The following ABR variants were observed in gnomAD, a reference collection of about 807,000 sequenced individuals.
ABR encodes ABR activator of RhoGEF and GTPase.
Under a neutral mutation model 107.2 loss-of-function variants are expected in ABR, and 35 were observed. The ratio of observed to expected loss-of-function variants is 0.33; its 90% CI spans 0.25 to 0.43. The LOEUF (loss-of-function observed/expected upper bound fraction) is 0.43. Among genes scored for constraint, ABR ranks in the 20% least tolerant of loss-of-function variants. The pLI, the probability that ABR is intolerant of heterozygous loss-of-function variation, is 1.00. For missense variants in ABR, 815 were observed against 1,115.2 expected (o/e 0.73, Z 3.83); for synonymous variants, 498 against 462.0 (o/e 1.08, Z -1.00).
chr17:1,050,756 C>A lies in ABR; in HGVS notation c.1562-122G>T. ...TTTCCAACGTCCCCACGGATGGCAT[C>A]TTGGCTCTCTCCTCCCTGAAGCCCG... On this transcript the variant is annotated intron_variant, in intron 14 of 22. Transcript: ENST00000302538. The surrounding 1 kb of genome is among the most constrained non-coding windows in gnomAD (Gnocchi z 4.6). 1 of 778,340 alleles carries A rather than the reference C, an allele frequency of 1.3e-6. No homozygotes were observed. The highest frequency in any genetic ancestry group is 2.2e-6 in the Non-Finnish European group (1 of 456,338). 48.2% of individuals were successfully genotyped at this position (778,340 alleles called of 1,614,324 possible). A position where few individuals can be genotyped will look rare whatever the true frequency, so the allele number is the denominator to read the frequency against.
chr17:1,140,460 A>G (rs547179301), intron 1 of ABR, among the ~76,000 whole-genome samples: 58 of 152,334 alleles, frequency 3.8e-4, no homozygotes, highest in African/African-American at 1.3e-3. Context: ...GCCACTTCCC[A>G]GGTGCCACCT....
intron 1 of ABR, among the ~76,000 whole-genome samples, chr17:1,215,394 A>G (rs1191086048): frequency 1.3e-5 from 2 of 152,174 alleles, no homozygotes; most frequent in Non-Finnish European, 2.9e-5. Context: ...GCGCGCTGCC[A>G]TGCCTGACTG....
chr17:1,221,335 C>T (rs1356886710), intron 1 of ABR, among the ~76,000 whole-genome samples: 1 of 152,210 alleles, frequency 6.6e-6, no homozygotes, highest in Non-Finnish European at 1.5e-5. Context: ...CTCACTCTTA[C>T]GCTCCTCTTC....
At chr17:1,013,325 G>T (rs1395859399) in intron 16 of ABR, 161 bp from the exon 17 acceptor site, 3 of 748,064 alleles carry the variant, frequency 4.0e-6, no homozygotes, top group Non-Finnish European at 4.4e-6. Context: ...CCTTTGGGGG[G>T]ACCCTAGCCC....
intron 1 of ABR, among the ~76,000 whole-genome samples, chr17:1,135,364 T>C (rs1027199315): frequency 1.8e-5 from 2 of 112,530 alleles, no homozygotes; most frequent in Non-Finnish European, 4.1e-5. Context: ...TTTTTTATTC[T>C]TTTTCTTTTT....
intron 1 of ABR, among the ~76,000 whole-genome samples, chr17:1,219,305 A>G (rs2043071704): frequency 6.6e-6 from 1 of 151,810 alleles, no homozygotes; most frequent in Non-Finnish European, 1.5e-5. Context: ...TGGCCTCCCA[A>G]AGTGCTGGGA....
intron 6 of ABR, among the ~76,000 whole-genome samples, chr17:1,074,050 A>T (rs11655077): frequency 8.2e-3 from 670 of 82,194 alleles, no homozygotes; most frequent in Middle Eastern, 0.02. Flanking sequence ...CCACGCCCCG[A>T]AGAGTCCAGC....
chr17:1,153,161 C>T (rs1192626300), intron 1 of ABR, among the ~76,000 whole-genome samples: 1 of 152,236 alleles, frequency 6.6e-6, no homozygotes, highest in African/African-American at 2.4e-5. Context: ...CCAGTCTGGA[C>T]CCCTTTCTTG....
rs1277742130 is a variant in ABR, at chr17:1,027,720, CCT to C, written c.1792-14558_1792-14557del. 3.3e-5 allele frequency among the ~76,000 whole-genome samples: 5 copies of C among 151,934 alleles called. No individual in the cohort carries two copies. Among genetic ancestry groups the C allele is most frequent in the East Asian group, 1.9e-4 (1 of 5,178 alleles). ...CTCGGGGGAGGCAGCACTGTAGTCCCCTGTCTGTGGCTGAGGGGTCGCTATGG... is the reference window on the plus strand; with the variant it reads ...CTCGGGGGAGGCAGCACTGTAGTCCCGTCTGTGGCTGAGGGGTCGCTATGG... On this transcript the variant is annotated intron_variant, in intron 16 of 22. Coordinates refer to ENST00000302538, the MANE Select transcript of ABR (RefSeq NM_021962.5). This position sits in a 1 kb window ranked among gnomAD's most constrained non-coding sequence, Gnocchi z 4.7.
chr17:1,099,639 G>C (rs2037733287), intron 3 of ABR, among the ~76,000 whole-genome samples: 1 of 152,168 alleles, frequency 6.6e-6, no homozygotes, highest in African/African-American at 2.4e-5. Context: ...ATAACATCCA[G>C]ACACATCTAA....
intron 16 of ABR, among the ~76,000 whole-genome samples, chr17:1,025,119 C>CAAAAAAAAAAAAAAAAA (rs71272843): frequency 1.9e-4 from 7 of 37,704 alleles, no homozygotes; most frequent in African/African-American, 4.3e-4. Context: ...GACTCCGTCT[C>CAAAAAAAAAAAAAAAAA]AAAAAAAAAA....
chr17:1,206,072 C>T (rs559707196), intron 1 of ABR, among the ~76,000 whole-genome samples: 9 of 152,194 alleles, frequency 5.9e-5, no homozygotes, highest in Admixed American at 1.3e-4. Flanking sequence ...GCTGAGATCG[C>T]GCCACTGCCC....
At chr17:1,139,387 G>A (rs978706197) in intron 1 of ABR, among the ~76,000 whole-genome samples, 16 of 152,238 alleles carry the variant, frequency 1.1e-4, no homozygotes, top group South Asian at 2.1e-4. Context: ...GAGTAGCTGG[G>A]ACTACAGGTG....
At chr17:1,087,533 C>T (rs1321370875) in intron 4 of ABR, among the ~76,000 whole-genome samples, 1 of 126,930 alleles carries the variant, frequency 7.9e-6, no homozygotes, top group Non-Finnish European at 1.7e-5. Context: ...CAGGGCCGGA[C>T]TTTTAAAAGA....
intron 13 of ABR, 67 bp downstream of exon 13, chr17:1,056,931 C>T (rs1444197500): frequency 3.6e-6 from 4 of 1,114,414 alleles, no homozygotes; most frequent in East Asian, 2.4e-5. Flanking sequence ...TGAGTCCTTA[C>T]GGGAAGCCGG....
upstream of ABR, among the ~76,000 whole-genome samples, chr17:1,182,991 C>T (rs953848301): frequency 2.6e-5 from 4 of 152,266 alleles, no homozygotes; most frequent in African/African-American, 9.6e-5. Context: ...CAGAAACCTC[C>T]GCATCCCTGG....
At chr17:1,062,649 C>T (rs1597620033) in intron 10 of ABR, among the ~76,000 whole-genome samples, 1 of 144,762 alleles carries the variant, frequency 6.9e-6, no homozygotes, top group East Asian at 2.0e-4. Context: ...TATGCATGTT[C>T]CTCTAGACAC....
chr17:1,007,685 C>T (rs985990238), intron 21 of ABR, among the ~76,000 whole-genome samples: 1 of 152,232 alleles, frequency 6.6e-6, no homozygotes, highest in East Asian at 1.9e-4. Context: ...TGATTATCGT[C>T]ACCCCCATCG....
At chr17:1,135,768 C>T (rs1203676241) in intron 1 of ABR, among the ~76,000 whole-genome samples, 4 of 152,114 alleles carry the variant, frequency 2.6e-5, no homozygotes, top group East Asian at 1.9e-4. Flanking sequence ...CCCAGCTATT[C>T]GGGGGGCTGA....
Sources: allele counts gnomAD v4.1 joint callset (sites outside exome capture counted in the v4.1 genomes callset), GRCh38; gene constraint gnomAD v4.1.1; non-coding constraint Gnocchi (gnomAD v3.1); transcripts MANE v1.5; gene names NCBI Gene and HGNC (gene_info 2026-07-23, HGNC 2026-07-21).